The following PRORP variants were observed in gnomAD, a reference collection of about 807,000 sequenced individuals.
PRORP encodes mitochondrial ribonuclease P catalytic subunit.
PRORP carries 51 observed loss-of-function variants against 59.4 expected under a neutral mutation model. The ratio of observed to expected loss-of-function variants is 0.86; its 90% CI spans 0.69 to 1.08. The LOEUF (loss-of-function observed/expected upper bound fraction) is 1.08. Ranked by LOEUF, PRORP falls within the 50% of genes least tolerant of loss-of-function variation. PRORP has a pLI of 0.00. For missense variants in PRORP, 646 were observed against 690.3 expected (o/e 0.94, Z 0.72); for synonymous variants, 231 against 245.6 (o/e 0.94, Z 0.55).
intron 5 of PRORP, among the ~76,000 whole-genome samples, chr14:35,265,593 A>G (rs1233984768): frequency 6.6e-6 from 1 of 152,190 alleles, no homozygotes; most frequent in Non-Finnish European, 1.5e-5. Flanking sequence ...GCTACAGGGT[A>G]GAAATCGACA....
intron 5 of PRORP, among the ~76,000 whole-genome samples, chr14:35,181,942 A>G (rs2048621923): frequency 6.6e-6 from 1 of 152,092 alleles, no homozygotes; most frequent in Non-Finnish European, 1.5e-5. Context: ...TGAACTAAAA[A>G]ATATAAACAC....
At chr14:35,264,472 G>T (rs918474158) in intron 5 of PRORP, among the ~76,000 whole-genome samples, 1 of 151,500 alleles carries the variant, frequency 6.6e-6, no homozygotes, top group Non-Finnish European at 1.5e-5. Context: ...TGTCCAGGCT[G>T]GTCTAAAACT....
upstream of PRORP, chr14:35,121,844 C>G: frequency 6.3e-7 from 1 of 1,585,032 alleles, no homozygotes; most frequent in Non-Finnish European, 8.6e-7. Context: ...CACCTCCCCC[C>G]TACCTCTAGG....
intron 4 of PRORP, 117 bp from the exon 5 acceptor site, chr14:35,180,553 T>TGTGTGTGTGTGTGTGTGTGTGTGTGTG: frequency 9.6e-6 from 6 of 624,206 alleles, no homozygotes; most frequent in South Asian, 2.0e-5. Context: ...TGTGTGTGTA[T>TGTGTGTGTGTGTGTGTGTGTGTGTGTG]TTTTAAGGGA....
At chr14:35,147,330 G>C (rs1162729460) in intron 4 of PRORP, among the ~76,000 whole-genome samples, 1 of 152,046 alleles carries the variant, frequency 6.6e-6, no homozygotes, top group East Asian at 1.9e-4. Context: ...GTTGAAGGCT[G>C]GGATAGCTAT....
intron 4 of PRORP, among the ~76,000 whole-genome samples, chr14:35,128,098 G>T (rs2047142554): frequency 6.6e-6 from 1 of 152,160 alleles, no homozygotes; most frequent in African/African-American, 2.4e-5. Flanking sequence ...ATTATTTACA[G>T]ATTTTCTTAG....
chr14:35,219,089 T>G (rs1427851394), intron 5 of PRORP: 1 of 152,204 alleles, frequency 6.6e-6, no homozygotes, highest in Non-Finnish European at 1.5e-5. Context: ...ACAGGAGAAC[T>G]TGGAAGTGTT....
rs1171561979 is a variant in PRORP, at chr14:35,143,820, G to T, written c.1167+16209G>T. On this transcript the variant is annotated intron_variant, in intron 4 of 7. Coordinates refer to ENST00000534898, the MANE Select transcript of PRORP (RefSeq NM_014672.4). ...TGCGCCACCAAGCCTGGCTAATTTT[G>T]TATTTTTAGTAGAGATGGGGTTTCT... 3.5e-5 allele frequency among the ~76,000 whole-genome samples: 5 copies of T among 144,804 alleles called. 1 individual carries two copies. In the South Asian group the frequency reaches 1.1e-3, roughly 33 times the overall value. The allele number at this position is 144,804 out of a possible 152,430, so 95.0% of individuals were successfully genotyped here. A position where few individuals can be genotyped will look rare whatever the true frequency, so the allele number is the denominator to read the frequency against.
chr14:35,243,485 G>A (rs549301654), intron 5 of PRORP, among the ~76,000 whole-genome samples: 73 of 151,250 alleles, frequency 4.8e-4, no homozygotes, highest in Admixed American at 3.6e-3. Context: ...GCAGTGAGCC[G>A]TGATCACACC....
chr14:35,194,913 C>T (rs771616883), intron 5 of PRORP, among the ~76,000 whole-genome samples: 48 of 152,030 alleles, frequency 3.2e-4, no homozygotes, highest in African/African-American at 7.0e-4. Context: ...TAAAGAAAAT[C>T]GTAAATTGTA....
chr14:35,141,905 T>A (rs1027930132), intron 4 of PRORP, among the ~76,000 whole-genome samples: 1 of 140,216 alleles, frequency 7.1e-6, no homozygotes, highest in African/African-American at 2.5e-5. Flanking sequence ...TAAGACGGAG[T>A]GTTGCTGTTG....
intron 5 of PRORP, among the ~76,000 whole-genome samples, chr14:35,260,921 C>T (rs1206075469): frequency 2.0e-5 from 3 of 152,134 alleles, no homozygotes; most frequent in East Asian, 1.9e-4. Flanking sequence ...TGCAACAAAG[C>T]GATCCATCCA....
At chr14:35,252,293 C>T (rs1298052958) in intron 5 of PRORP, among the ~76,000 whole-genome samples, 1 of 152,060 alleles carries the variant, frequency 6.6e-6, no homozygotes, top group Non-Finnish European at 1.5e-5. Flanking sequence ...TGTAGGGGCA[C>T]ATGCCTGTGG....
At chr14:35,138,861 G>C (rs1295770181) in intron 4 of PRORP, among the ~76,000 whole-genome samples, 1 of 144,582 alleles carries the variant, frequency 6.9e-6, no homozygotes, top group Non-Finnish European at 1.5e-5. Context: ...TGCCATCTGG[G>C]CTCACTGCAC....
chr14:35,265,486 C>G (rs1213767705), intron 5 of PRORP, among the ~76,000 whole-genome samples: 1 of 151,986 alleles, frequency 6.6e-6, no homozygotes, highest in African/African-American at 2.4e-5. Flanking sequence ...CTTCTAAAAC[C>G]CAAGTCTAGA....
chr14:35,175,195 A>G (rs984888019), intron 4 of PRORP, among the ~76,000 whole-genome samples: 45 of 152,084 alleles, frequency 3.0e-4, no homozygotes, highest in Admixed American at 2.0e-3. Flanking sequence ...CAGTGCCGCA[A>G]TAAACATACA....
At chr14:35,240,315 G>GTTTTTTTTTTTTTTTTTTTTTTTTTTTTT (rs5807821) in intron 5 of PRORP, among the ~76,000 whole-genome samples, 1 of 129,334 alleles carries the variant, frequency 7.7e-6, no homozygotes, top group African/African-American at 2.9e-5. Flanking sequence ...TTTTTTTTTG[G>GTTTTTTTTTTTTTTTTTTTTTTTTTTTTT]TTTAAAATTT....
chr14:35,141,959 A>G (rs567423042), intron 4 of PRORP, among the ~76,000 whole-genome samples: 6 of 144,176 alleles, frequency 4.2e-5, no homozygotes, highest in African/African-American at 1.2e-4. Context: ...GCTCACTGCA[A>G]CCTCTGCCTC....
chr14:35,226,622 T>C (rs1402912658), intron 5 of PRORP, among the ~76,000 whole-genome samples: 1 of 152,222 alleles, frequency 6.6e-6, no homozygotes, highest in African/African-American at 2.4e-5. Flanking sequence ...TGCCTAACTT[T>C]GTTCTATTAC....
Sources: allele counts gnomAD v4.1 joint callset (sites outside exome capture counted in the v4.1 genomes callset), GRCh38; gene constraint gnomAD v4.1.1; transcripts MANE v1.5; gene names NCBI Gene and HGNC (gene_info 2026-07-23, HGNC 2026-07-21).